The following PGBD2 variants were observed in gnomAD, a reference collection of about 807,000 sequenced individuals.
PGBD2 encodes piggyBac transposable element-derived protein 2.
A neutral mutation model predicts 8.1 loss-of-function variants in PGBD2; 6 were observed. The ratio of observed to expected loss-of-function variants is 0.74; its 90% CI spans 0.40 to 1.46. The LOEUF (loss-of-function observed/expected upper bound fraction) is 1.46. Ranked by LOEUF, PGBD2 falls within the 40% of genes most tolerant of loss-of-function variation. The probability of loss-of-function intolerance (pLI) is 0.02; values close to 1 mark genes in which losing one functional copy is unlikely to be tolerated. For synonymous variants in PGBD2, 318 were observed against 272.2 expected, an observed-to-expected ratio of 1.17 and a Z score of -1.66; for missense variants, 802 against 739.0, an observed-to-expected ratio of 1.09 and a Z score of -0.99.
upstream of PGBD2, among the ~76,000 whole-genome samples, chr1:248,902,048 C>T (rs1033586794): frequency 9.2e-5 from 14 of 152,100 alleles, no homozygotes; most frequent in African/African-American, 3.1e-4. Context: ...GCAAGCGGAT[C>T]ACTTGAGACT....
At chr1:248,873,306 C>A in the PGBD2 span, among the ~76,000 whole-genome samples, 6 of 152,230 alleles carry the variant, frequency 3.9e-5, no homozygotes, top group Non-Finnish European at 7.3e-5. Flanking sequence ...CCGCATCAGG[C>A]CCCTCTGACC....
chr1:248,891,860 C>A, the PGBD2 span, among the ~76,000 whole-genome samples: 1 of 152,150 alleles, frequency 6.6e-6, no homozygotes. Flanking sequence ...GAAGAAAAGT[C>A]CAATCTCTTG....
At chr1:248,900,163 G>A in the PGBD2 span, among the ~76,000 whole-genome samples, 1 of 147,284 alleles carries the variant, frequency 6.8e-6, no homozygotes, top group Non-Finnish European at 1.5e-5. Context: ...GAGGTGTAAA[G>A]AGGAGCTGGT....
chr1:248,924,627 G>A (rs1332878617), downstream of PGBD2, among the ~76,000 whole-genome samples: 1 of 152,230 alleles, frequency 6.6e-6, no homozygotes, highest in African/African-American at 2.4e-5. Flanking sequence ...GTGTCCAGAT[G>A]CATAGGGAGT....
At chr1:248,923,775 G>T (rs1662332474), downstream of PGBD2, among the ~76,000 whole-genome samples, 2 of 152,196 alleles carry the variant, frequency 1.3e-5, no homozygotes, top group Non-Finnish European at 2.9e-5. Context: ...GGGCACGGAT[G>T]GATTTCCACA....
downstream of PGBD2, among the ~76,000 whole-genome samples, chr1:248,922,277 T>A (rs938373826): frequency 1.3e-5 from 2 of 152,128 alleles, no homozygotes; most frequent in African/African-American, 4.8e-5. Flanking sequence ...GCCAGGATGG[T>A]CTGGATCTCC....
At chr1:248,926,547 C>G in the PGBD2 span, among the ~76,000 whole-genome samples, 4 of 152,170 alleles carry the variant, frequency 2.6e-5, no homozygotes, top group African/African-American at 7.2e-5. Context: ...CTAGTTTTAT[C>G]AACAGAGCTA....
At chr1:248,921,072 G>T (rs1284988699), downstream of PGBD2, among the ~76,000 whole-genome samples, 3 of 151,196 alleles carry the variant, frequency 2.0e-5, no homozygotes, top group Admixed American at 6.6e-5. Flanking sequence ...TGCAAAAATT[G>T]TCTCCCGTTC....
At chr1:248,924,522 AAGAT>A (rs1248739960), downstream of PGBD2, among the ~76,000 whole-genome samples, 15 of 152,304 alleles carry the variant, frequency 9.8e-5, no homozygotes, top group Admixed American at 9.1e-4. Context: ...AAATCACTAA[AAGAT>A]AGAAAAAAGT....
the PGBD2 span, among the ~76,000 whole-genome samples, chr1:248,893,532 T>C: frequency 6.6e-6 from 1 of 152,244 alleles, no homozygotes; most frequent in East Asian, 1.9e-4. Context: ...TCCATCTAAA[T>C]GACTGCAAAT....
At chr1:248,878,305 G>A in the PGBD2 span, among the ~76,000 whole-genome samples, 2 of 152,014 alleles carry the variant, frequency 1.3e-5, no homozygotes, top group South Asian at 4.1e-4. Flanking sequence ...TCAGCCTCCC[G>A]AGTAGCTGGG....
chr1:248,913,190 C>G (rs2103110717), intron 1 of PGBD2, among the ~76,000 whole-genome samples: 1 of 152,246 alleles, frequency 6.6e-6, no homozygotes, highest in South Asian at 2.1e-4. Context: ...CTTCCTCACT[C>G]CAGTTTCCCT....
At chr1:248,915,519 C>G (rs1474423293) in intron 2 of PGBD2, among the ~76,000 whole-genome samples, 1 of 152,250 alleles carries the variant, frequency 6.6e-6, no homozygotes, top group Non-Finnish European at 1.5e-5. Flanking sequence ...GGCTAGGCTA[C>G]ACTACGATGT....
At chr1:248,923,317 T>C (rs1662324298), downstream of PGBD2, among the ~76,000 whole-genome samples, 1 of 152,226 alleles carries the variant, frequency 6.6e-6, no homozygotes, top group Admixed American at 6.5e-5. Flanking sequence ...CCTATATGCT[T>C]TCTTATTGCG....
At chr1:248,873,906 C>A in the PGBD2 span, among the ~76,000 whole-genome samples, 32 of 152,330 alleles carry the variant, frequency 2.1e-4, 1 homozygote, top group Admixed American at 6.5e-5. Flanking sequence ...AGCACCTTGC[C>A]TGCGGGCTTT....
chr1:248,921,026 G>T (rs1363552546), downstream of PGBD2, among the ~76,000 whole-genome samples: 1 of 151,368 alleles, frequency 6.6e-6, no homozygotes, highest in Non-Finnish European at 1.5e-5. Context: ...GTTCTTTGTA[G>T]ATTCTGGATA....
the PGBD2 span, among the ~76,000 whole-genome samples, chr1:248,877,731 T>C: frequency 6.6e-6 from 1 of 152,200 alleles, no homozygotes; most frequent in African/African-American, 2.4e-5. Context: ...AAAGGGTGTG[T>C]TACTATGATG....
Position 248,918,590 on chromosome 1 carries a change from T to G in PGBD2, c.*227T>G, listed in dbSNP as rs1662205851. 1 of 233,642 alleles carries G rather than the reference T, an allele frequency of 4.3e-6. No individual in the cohort carries two copies. Among genetic ancestry groups the G allele is most frequent in the Non-Finnish European group, 8.7e-6 (1 of 115,064 alleles). 14.5% of individuals were successfully genotyped at this position (233,642 alleles called of 1,614,324 possible). On this transcript the variant is annotated 3_prime_UTR_variant, in exon 3 of 3. Transcript: ENST00000329291. Reference sequence around the variant, plus strand: ...TCATTTATATTTATATTTTTGAACTTATTTATTTAAAGTTATGGATCACTT... The same window carrying G: ...TCATTTATATTTATATTTTTGAACTGATTTATTTAAAGTTATGGATCACTT...
intron 1 of PGBD2, among the ~76,000 whole-genome samples, chr1:248,907,914 G>A (rs6694386): frequency 0.028 from 4,198 of 152,124 alleles, 204 homozygotes; most frequent in African/African-American, 0.097. Context: ...CTACAGTTAG[G>A]CACCTGGCTC....
Sources: gnomAD v4.1 joint callset for allele counts (sites outside exome capture counted in the v4.1 genomes callset) on GRCh38, gnomAD v4.1.1 for gene constraint, MANE v1.5 for transcripts, NCBI Gene and HGNC (gene_info 2026-07-23, HGNC 2026-07-21) for gene names.